Variants in CSMD1 observed in about 807,000 individuals in gnomAD.
CSMD1 encodes the protein CUB and sushi domain-containing protein 1.
In CSMD1, 213 loss-of-function variants were observed where a neutral mutation model predicts 417.5. The ratio of observed to expected loss-of-function variants is 0.51; its 90% CI spans 0.46 to 0.57. CSMD1 has a LOEUF of 0.57. CSMD1 is among the 20% of genes least tolerant of loss of function. The pLI is 0.00. For synonymous variants in CSMD1, 2,862 were observed against 1,736.8 expected (o/e 1.65, Z -16.11); for missense variants, 6,923 against 4,529.7 (o/e 1.53, Z -15.17).
intron 5 of CSMD1, among the ~76,000 whole-genome samples, chr8:3,917,474 A>G (rs1243096882): frequency 1.3e-5 from 2 of 152,102 alleles, no homozygotes; most frequent in Admixed American, 6.5e-5. Context: ...TCCTGCTACT[A>G]TGGCTGAAAG....
intron 19 of CSMD1, among the ~76,000 whole-genome samples, chr8:3,368,545 G>A (rs1585062759): frequency 6.6e-6 from 1 of 152,206 alleles, no homozygotes; most frequent in Admixed American, 6.5e-5. Context: ...CACCATATTG[G>A]CTAGTCTGGT....
rs554163216 is a variant in CSMD1, at chr8:4,838,861, C to T, written c.85+155471G>A. 1.9e-4 allele frequency among the ~76,000 whole-genome samples: 29 copies of T among 152,306 alleles called. No individual in the cohort carries two copies. The South Asian group carries it at 5.0e-3, about 26-fold the overall frequency. ...ACACTTCTTGTTTCTCTTGCTCTAT[C>T]TCCAGTAGCAATCTTTTGTTCTACT... On this transcript the variant is annotated intron_variant, in intron 1 of 69. Transcript: ENST00000635120.
rs56272726 is a variant in CSMD1, at chr8:3,709,680, G to GTTTTTTTTTTTTTTTTTTTTTTTTT, written c.932-1214_932-1190dup. 3.7e-3 allele frequency among the ~76,000 whole-genome samples: 126 copies of GTTTTTTTTTTTTTTTTTTTTTTTTT among 33,672 alleles called. 36 individuals are homozygous for GTTTTTTTTTTTTTTTTTTTTTTTTT. The highest frequency in any genetic ancestry group is 5.9e-3 in the East Asian group (4 of 674). 22.1% of individuals were successfully genotyped at this position (33,672 alleles called of 152,430 possible). The stretch of plus-strand genomic sequence containing the variant: ...GATGGGCTTTAAATTGCAGCAGCAT[G>GTTTTTTTTTTTTTTTTTTTTTTTTT]TTTTTTTTTTTTTTTTTTTTTTTTT... On this transcript the variant is annotated intron_variant, in intron 6 of 69. Transcript: ENST00000635120.
chr8:4,072,946 G>A (rs769960067), intron 3 of CSMD1, among the ~76,000 whole-genome samples: 1 of 152,108 alleles, frequency 6.6e-6, no homozygotes, highest in South Asian at 2.1e-4. Flanking sequence ...TCTTTCAAAA[G>A]TTTTTAAAAT....
intron 7 of CSMD1, among the ~76,000 whole-genome samples, chr8:3,681,648 C>G (rs1041019241): frequency 6.6e-6 from 1 of 152,164 alleles, no homozygotes; most frequent in African/African-American, 2.4e-5. Flanking sequence ...CCATCCCCAT[C>G]AAGCTACCAA....
chr8:3,639,032 T>C (rs1489701779), intron 7 of CSMD1, among the ~76,000 whole-genome samples: 1 of 152,212 alleles, frequency 6.6e-6, no homozygotes, highest in Non-Finnish European at 1.5e-5. Context: ...TTGTCCCCAA[T>C]ATCCTTCTTT....
rs749604174 is a variant in CSMD1, at chr8:3,741,583, CTGTT to C, written c.931+12343_931+12346del. On this transcript the variant is annotated intron_variant, in intron 6 of 69. Transcript: ENST00000635120. ...ATGCATTTTTTGACTTCAAGATTAA[CTGTT>C]TGTTAGAACCTGAATTATTCAGTGC... 5.9e-5 allele frequency among the ~76,000 whole-genome samples: 9 copies of C among 152,328 alleles called. No individual in the cohort carries two copies. The East Asian group carries it at 1.3e-3, about 23-fold the overall frequency.
chr8:4,264,186 G>A (rs1804082243), intron 3 of CSMD1, among the ~76,000 whole-genome samples: 2 of 152,258 alleles, frequency 1.3e-5, no homozygotes, highest in Admixed American at 6.5e-5. Context: ...GTTATGTGGT[G>A]ATGATGATGA....
At chr8:3,577,601 T>C (rs1332459847) in intron 9 of CSMD1, among the ~76,000 whole-genome samples, 2 of 152,214 alleles carry the variant, frequency 1.3e-5, no homozygotes, top group East Asian at 1.9e-4. Flanking sequence ...TAGCATTTGA[T>C]TGTTTCCTCA....
intron 3 of CSMD1, among the ~76,000 whole-genome samples, chr8:4,093,329 G>C (rs1477650529): frequency 3.9e-5 from 6 of 152,080 alleles, no homozygotes; most frequent in Non-Finnish European, 7.4e-5. Flanking sequence ...TTTCCATGAA[G>C]TAAATACAAA....
chr8:3,799,882 G>A (rs1344310421), intron 5 of CSMD1, among the ~76,000 whole-genome samples: 2 of 152,096 alleles, frequency 1.3e-5, no homozygotes, highest in African/African-American at 4.8e-5. Flanking sequence ...CTACATTGCT[G>A]ACTTGCTATA....
intron 1 of CSMD1, among the ~76,000 whole-genome samples, chr8:4,812,068 G>A (rs893118998): frequency 6.6e-6 from 1 of 152,122 alleles, no homozygotes; most frequent in Non-Finnish European, 1.5e-5. Flanking sequence ...TAAAACTTTG[G>A]CTTTGACATC....
At chr8:3,884,790 T>C (rs1044613335) in intron 5 of CSMD1, among the ~76,000 whole-genome samples, 2 of 152,076 alleles carry the variant, frequency 1.3e-5, no homozygotes, top group Non-Finnish European at 2.9e-5. Flanking sequence ...ACCTCTATTG[T>C]GTACCTTTTG....
chr8:4,153,079 C>A (rs148558529), intron 3 of CSMD1, among the ~76,000 whole-genome samples: 1 of 151,996 alleles, frequency 6.6e-6, no homozygotes, highest in Non-Finnish European at 1.5e-5. Flanking sequence ...GGGTATGATT[C>A]TTTTTCAGAT....
intron 9 of CSMD1, among the ~76,000 whole-genome samples, chr8:3,583,508 G>A (rs1800469881): frequency 6.6e-6 from 1 of 152,072 alleles, no homozygotes; most frequent in African/African-American, 2.4e-5. Flanking sequence ...TAGGTAGGAA[G>A]CAGGGTGTTC....
chr8:3,307,929 A>G, intron 24 of CSMD1, 108 bp from the exon 25 acceptor site: 1 of 1,194,396 alleles, frequency 8.4e-7, no homozygotes, highest in Non-Finnish European at 1.2e-6. Flanking sequence ...ATACATAGAG[A>G]AAAAGAATCA....
At chr8:3,530,921 G>A (rs750863105) in intron 10 of CSMD1, among the ~76,000 whole-genome samples, 12 of 150,194 alleles carry the variant, frequency 8.0e-5, no homozygotes, top group Non-Finnish European at 1.3e-4. Context: ...GCAGTGGTAC[G>A]ATCTCACTGC....
intron 3 of CSMD1, among the ~76,000 whole-genome samples, chr8:4,244,856 C>G (rs995032307): frequency 2.6e-5 from 4 of 152,102 alleles, no homozygotes; most frequent in Non-Finnish European, 5.9e-5. Context: ...GTCATTGTAA[C>G]AAGATCCCCT....
chr8:4,763,402 CTG>C (rs1344258591), intron 1 of CSMD1, among the ~76,000 whole-genome samples: 3 of 152,140 alleles, frequency 2.0e-5, no homozygotes, highest in African/African-American at 7.2e-5. Context: ...TTAATTCAGT[CTG>C]TGCTGAGAGT....
Sources: gnomAD v4.1 joint callset for allele counts (sites outside exome capture counted in the v4.1 genomes callset) on GRCh38, gnomAD v4.1.1 for gene constraint, MANE v1.5 for transcripts, NCBI Gene and HGNC (gene_info 2026-07-23, HGNC 2026-07-21) for gene names.